PPP3CA: variants seen among roughly 807,000 people sequenced by gnomAD.
The protein encoded by PPP3CA is protein phosphatase 3 catalytic subunit alpha.
Under a neutral mutation model 66.5 loss-of-function variants are expected in PPP3CA, and 14 were observed. The ratio of observed to expected loss-of-function variants is 0.21; its 90% CI spans 0.14 to 0.33. PPP3CA has a LOEUF of 0.33. Ranked by LOEUF, PPP3CA falls within the 10% of genes least tolerant of loss-of-function variation. The probability of loss-of-function intolerance (pLI) is 1.00; values close to 1 mark genes in which losing one functional copy is unlikely to be tolerated. For synonymous variants in PPP3CA, 232 were observed against 226.2 expected (o/e 1.03, Z -0.23); for missense variants, 317 against 639.5 (o/e 0.50, Z 5.44).
chr4:101,124,737 A>AAGAAAGAGAG (rs1722174990), intron 2 of PPP3CA, among the ~76,000 whole-genome samples: 1 of 73,970 alleles, frequency 1.4e-5, no homozygotes, highest in Admixed American at 1.4e-4. Flanking sequence ...GAAAGAAAGA[A>AAGAAAGAGAG]AGAAAGAAAG....
At chr4:101,167,811 T>C (rs982547743) in intron 2 of PPP3CA, among the ~76,000 whole-genome samples, 1 of 151,846 alleles carries the variant, frequency 6.6e-6, no homozygotes, top group Non-Finnish European at 1.5e-5. Context: ...ACAGAACATG[T>C]GTGAGAAAGA....
At chr4:101,294,486 CCA>C (rs1448691273) in intron 1 of PPP3CA, among the ~76,000 whole-genome samples, 1 of 152,092 alleles carries the variant, frequency 6.6e-6, no homozygotes, top group Non-Finnish European at 1.5e-5. Flanking sequence ...AATTTTATAA[CCA>C]CATATCAAGT....
At chr4:101,182,750 GTGT>G (rs1724281149) in intron 2 of PPP3CA, among the ~76,000 whole-genome samples, 1 of 152,100 alleles carries the variant, frequency 6.6e-6, no homozygotes, top group Admixed American at 6.6e-5. Context: ...GAATTCCGAC[GTGT>G]TGTGGGAGGG....
At chr4:101,324,049 G>A (rs1729121549) in intron 1 of PPP3CA, among the ~76,000 whole-genome samples, 6 of 151,864 alleles carry the variant, frequency 4.0e-5, no homozygotes. Flanking sequence ...GGAGGCAGAG[G>A]TTGCAGTGAG....
intron 1 of PPP3CA, among the ~76,000 whole-genome samples, chr4:101,208,357 T>C (rs1297477060): frequency 6.6e-6 from 1 of 152,182 alleles, no homozygotes; most frequent in African/African-American, 2.4e-5. Flanking sequence ...GTTCCCATTG[T>C]TCTCAACAAC....
chr4:101,110,107 T>A (rs2110264463), intron 2 of PPP3CA, among the ~76,000 whole-genome samples: 1 of 152,242 alleles, frequency 6.6e-6, no homozygotes, highest in East Asian at 1.9e-4. Flanking sequence ...TGTGTATGTG[T>A]ATATATATTG....
In PPP3CA at chr4:101,267,515, G is replaced by C. The variant is rs377356699; in HGVS notation, c.59-71399C>G. Among the ~76,000 whole-genome samples the C allele has an allele frequency of 1.1e-3, 163 of 152,200 alleles. 1 individual carries two copies. Among genetic ancestry groups the C allele is most frequent in the African/African-American group, 3.7e-3 (153 of 41,520 alleles). ...AAACTGTGCTACGACTCCTGCTTTT[G>C]AGGGCTATAAGCATAAAGTTTAATA... On this transcript the variant is annotated intron_variant, in intron 1 of 13. Transcript: ENST00000394854.
chr4:101,032,443 A>G (rs1169823576), intron 11 of PPP3CA, 79 bp from the exon 12 acceptor site: 1 of 1,219,774 alleles, frequency 8.2e-7, no homozygotes, highest in Non-Finnish European at 1.2e-6. Context: ...AGGAAAAAAA[A>G]TGCATATAAG....
At chr4:101,258,825 G>A (rs1258474267) in intron 1 of PPP3CA, among the ~76,000 whole-genome samples, 3 of 152,212 alleles carry the variant, frequency 2.0e-5, no homozygotes, top group African/African-American at 7.2e-5. Context: ...GAAATCAAAT[G>A]TCTTTTAGGA....
intron 2 of PPP3CA, among the ~76,000 whole-genome samples, chr4:101,130,590 C>T (rs112114284): frequency 0.089 from 13,564 of 152,098 alleles, 1,132 homozygotes; most frequent in East Asian, 0.3. Flanking sequence ...GAGTGGGGGC[C>T]AATATTCAGC....
At chr4:101,118,693 T>C (rs549372465) in intron 2 of PPP3CA, among the ~76,000 whole-genome samples, 211 of 152,088 alleles carry the variant, frequency 1.4e-3, no homozygotes, top group African/African-American at 4.7e-3. Context: ...TGTTTGACCT[T>C]AGTCAATAAG....
Position 101,025,303 on chromosome 4 carries a change from TG to T in PPP3CA, c.*561del. On this transcript the variant is annotated 3_prime_UTR_variant, in exon 14 of 14. Transcript: ENST00000394854. ...TGCAACGTTCTTTTTTTTCTTTTTC[TG>T]TTTTTTTTTTTTTTTAAGACTGCCT... is the stretch of plus-strand genomic sequence containing the variant. The T allele has an allele frequency of 1.7e-5, 2 of 120,632 alleles. No homozygotes were observed. The highest frequency in any genetic ancestry group is 2.6e-4 in the South Asian group (1 of 3,842). 7.5% of individuals were successfully genotyped at this position (120,632 alleles called of 1,614,324 possible). A position where few individuals can be genotyped will look rare whatever the true frequency, so the allele number is the denominator to read the frequency against.
intron 2 of PPP3CA, among the ~76,000 whole-genome samples, chr4:101,116,443 C>T (rs1721839852): frequency 6.6e-6 from 1 of 151,584 alleles, no homozygotes. Flanking sequence ...TCTTCTTTTC[C>T]AAAATCTACA....
intron 13 of PPP3CA, among the ~76,000 whole-genome samples, chr4:101,026,587 G>C (rs988379537): frequency 6.6e-6 from 1 of 152,114 alleles, no homozygotes; most frequent in African/African-American, 2.4e-5. Context: ...GGAATTAACC[G>C]GGGCATTTCC....
chr4:101,140,021 T>C (rs1722754859), intron 2 of PPP3CA, among the ~76,000 whole-genome samples: 3 of 152,190 alleles, frequency 2.0e-5, no homozygotes, highest in Non-Finnish European at 2.9e-5. Flanking sequence ...TACATTGCTT[T>C]CCCAACTAAT....
In PPP3CA at chr4:101,025,793, C is replaced by T. The variant is rs897128955; in HGVS notation, c.*72G>A. The T allele has an allele frequency of 7.3e-6, 9 of 1,230,546 alleles. No homozygotes were observed. In the African/African-American group the frequency reaches 1.5e-4, roughly 20 times the overall value. The allele number at this position is 1,230,546 out of a possible 1,614,324, so 76.2% of individuals were successfully genotyped here. Reference sequence around the variant, plus strand: ...GCAAGAACATCCAACTGCTGATATGCAGCAATCCCCATCATGCCCCGCAGC... The same window carrying T: ...GCAAGAACATCCAACTGCTGATATGTAGCAATCCCCATCATGCCCCGCAGC... On this transcript the variant is annotated 3_prime_UTR_variant, in exon 14 of 14. Transcript: ENST00000394854.
chr4:101,195,741 T>C (rs1027482576), intron 2 of PPP3CA, among the ~76,000 whole-genome samples, 175 bp downstream of exon 2: 1 of 152,302 alleles, frequency 6.6e-6, no homozygotes, highest in African/African-American at 2.4e-5. Flanking sequence ...ATTTAACACA[T>C]GAAAATATGT....
chr4:101,080,614 G>T lies in PPP3CA; in HGVS notation c.873C>A (p.Tyr291Ter). 1 of 1,512,398 alleles carries T rather than the reference G, an allele frequency of 6.6e-7. No homozygotes were observed. The highest frequency in any genetic ancestry group is 8.9e-7 in the Non-Finnish European group (1 of 1,117,986). 93.7% of individuals were successfully genotyped at this position (1,512,398 alleles called of 1,614,324 possible). ...GGAAGCCTGTTGTTTGGCTTTTCCT[G>T]TACATGCGGTACCTAAAAAGAACAA... ...HEAQDAGYRMYRKSQTTGFPS... is the reference protein window; with the variant it reads ...HEAQDAGYRM The change falls in exon 8 of 14, where the codon TAC becomes TAA. Residue 291 changes from tyrosine (Y) to a stop codon, truncating the protein, a stop_gained. Coordinates refer to ENST00000394854, the MANE Select transcript of PPP3CA (RefSeq NM_000944.5). LOFTEE classifies it high-confidence loss of function.
chr4:101,293,346 T>A (rs1728092006), intron 1 of PPP3CA, among the ~76,000 whole-genome samples: 1 of 152,198 alleles, frequency 6.6e-6, no homozygotes, highest in Non-Finnish European at 1.5e-5. Context: ...GACTGCCTAG[T>A]GGCCAGGACA....
Sources: gnomAD v4.1 joint callset for allele counts (sites outside exome capture counted in the v4.1 genomes callset) on GRCh38, gnomAD v4.1.1 for gene constraint, MANE v1.5 for transcripts, NCBI Gene and HGNC (gene_info 2026-07-23, HGNC 2026-07-21) for gene names.